SORCS1: variants seen among roughly 807,000 people sequenced by gnomAD.
The protein encoded by SORCS1 is VPS10 domain-containing receptor SorCS1.
A neutral mutation model predicts 146.1 loss-of-function variants in SORCS1; 60 were observed. The observed-to-expected ratio is 0.41, with a 90% confidence interval of 0.33 to 0.51. SORCS1 has a LOEUF of 0.51. SORCS1 is among the 20% of genes least tolerant of loss of function. The pLI is 0.21. For synonymous variants in SORCS1, 637 were observed against 584.0 expected (o/e 1.09, Z -1.31); for missense variants, 1,352 against 1,487.6 (o/e 0.91, Z 1.50).
At chr10:106,635,754 A>C (rs1256849766) in intron 18 of SORCS1, among the ~76,000 whole-genome samples, 1 of 152,244 alleles carries the variant, frequency 6.6e-6, no homozygotes, top group Non-Finnish European at 1.5e-5. Flanking sequence ...TGATGATGGA[A>C]TACAACCAAC....
chr10:106,885,051 A>G (rs762108822), intron 2 of SORCS1, among the ~76,000 whole-genome samples: 1 of 152,224 alleles, frequency 6.6e-6, no homozygotes, highest in Non-Finnish European at 1.5e-5. Context: ...ATCCCTTGTT[A>G]TACTGAAGAC....
At chr10:106,732,025 CT>C (rs1322301974) in intron 5 of SORCS1, among the ~76,000 whole-genome samples, 1 of 152,208 alleles carries the variant, frequency 6.6e-6, no homozygotes, top group African/African-American at 2.4e-5. Flanking sequence ...ACTCTACTTA[CT>C]TAAACTCATT....
At chr10:106,758,391 G>A (rs1441881663) in intron 5 of SORCS1, among the ~76,000 whole-genome samples, 1 of 152,100 alleles carries the variant, frequency 6.6e-6, no homozygotes, top group Non-Finnish European at 1.5e-5. Context: ...TCTATTGGTA[G>A]GAACCAACTT....
At chr10:106,844,818 G>A (rs1949246483) in intron 2 of SORCS1, among the ~76,000 whole-genome samples, 1 of 143,364 alleles carries the variant, frequency 7.0e-6, no homozygotes, top group African/African-American at 2.6e-5. Flanking sequence ...ACCTATGAGT[G>A]AGAATATGCG....
chr10:106,925,062 C>T (rs955964464), intron 2 of SORCS1, among the ~76,000 whole-genome samples: 1 of 151,952 alleles, frequency 6.6e-6, no homozygotes, highest in African/African-American at 2.4e-5. Context: ...TATATCATAT[C>T]TTATGTACTT....
chr10:107,018,157 G>T (rs1399389574), intron 1 of SORCS1, among the ~76,000 whole-genome samples: 2 of 151,690 alleles, frequency 1.3e-5, no homozygotes, highest in African/African-American at 4.8e-5. Flanking sequence ...CTTTGTCCAA[G>T]CACACTTCTC....
At chr10:106,776,194 A>G (rs1860420594) in intron 4 of SORCS1, among the ~76,000 whole-genome samples, 1 of 152,212 alleles carries the variant, frequency 6.6e-6, no homozygotes, top group Non-Finnish European at 1.5e-5. Flanking sequence ...GTCTTTCACC[A>G]AGAGAAATGA....
chr10:106,761,231 C>T (rs774766201), intron 5 of SORCS1, among the ~76,000 whole-genome samples: 12 of 151,956 alleles, frequency 7.9e-5, no homozygotes, highest in East Asian at 3.9e-4. Context: ...TCTGAATATG[C>T]GATATATGTG....
At chr10:106,761,273 A>T (rs1859089488) in intron 5 of SORCS1, among the ~76,000 whole-genome samples, 1 of 152,192 alleles carries the variant, frequency 6.6e-6, no homozygotes, top group Non-Finnish European at 1.5e-5. Context: ...AAAAGTCACT[A>T]TTAGATTTTT....
intron 2 of SORCS1, among the ~76,000 whole-genome samples, chr10:106,901,435 GGTTTT>G (rs1951695425): frequency 6.6e-6 from 1 of 152,048 alleles, no homozygotes. Context: ...GCAGTTTTTT[GGTTTT>G]GTTTTGTTTT....
intron 1 of SORCS1, among the ~76,000 whole-genome samples, chr10:107,082,371 C>T (rs988124857): frequency 1.3e-5 from 2 of 152,158 alleles, no homozygotes; most frequent in African/African-American, 4.8e-5. Flanking sequence ...GTTTATACTA[C>T]TTAATTATCA....
At chr10:106,862,079 T>C (rs1950034075) in intron 2 of SORCS1, among the ~76,000 whole-genome samples, 1 of 152,222 alleles carries the variant, frequency 6.6e-6, no homozygotes, top group South Asian at 2.1e-4. Context: ...TCATCTGTAA[T>C]TGGAGACAAC....
intron 8 of SORCS1, among the ~76,000 whole-genome samples, chr10:106,700,749 A>T (rs1015324982): frequency 1.3e-5 from 2 of 152,178 alleles, no homozygotes; most frequent in African/African-American, 4.8e-5. Flanking sequence ...ACCGTTTATC[A>T]CAGTAAACTC....
chr10:106,801,731 T>G (rs185653403), intron 3 of SORCS1, among the ~76,000 whole-genome samples: 5 of 152,062 alleles, frequency 3.3e-5, no homozygotes, highest in Admixed American at 6.6e-5. Flanking sequence ...GTGGTTTCAC[T>G]GTGTTAGCCA....
chr10:107,137,978 C>T (rs1213464285), intron 1 of SORCS1, among the ~76,000 whole-genome samples: 2 of 152,022 alleles, frequency 1.3e-5, no homozygotes. Context: ...GGATCTCTGA[C>T]ACCTATTACG....
chr10:106,882,343 C>T (rs1950836913), intron 2 of SORCS1, among the ~76,000 whole-genome samples: 1 of 151,942 alleles, frequency 6.6e-6, no homozygotes, highest in Admixed American at 6.6e-5. Context: ...TGTTGGGATG[C>T]ATTCAAAGCC....
chr10:106,828,983 G>A (rs1198640133), intron 3 of SORCS1, among the ~76,000 whole-genome samples: 5 of 152,068 alleles, frequency 3.3e-5, no homozygotes, highest in Admixed American at 6.6e-5. Flanking sequence ...GTAAAATAAC[G>A]GTGTTGTAGA....
rs3044191 is a variant in SORCS1 at position 106,581,322 on chromosome 10, TACACACAC to T, written c.3266-1856_3266-1849del. Reference sequence around the variant, plus strand: ...AGACTTGAACCTGAATCGTCATACATACACACACACACACACACACACACACACACACA... The same window carrying T: ...AGACTTGAACCTGAATCGTCATACATACACACACACACACACACACACACA... On this transcript the variant is annotated intron_variant, in intron 24 of 25. Coordinates refer to ENST00000263054, the MANE Select transcript of SORCS1 (RefSeq NM_052918.5). Among the ~76,000 whole-genome samples the T allele has an allele frequency of 5.3e-3, 750 of 142,390 alleles. 7 individuals carry two copies. The highest frequency in any genetic ancestry group is 0.018 in the Middle Eastern group (5 of 280). The allele number at this position is 142,390 out of a possible 152,430, so 93.4% of individuals were successfully genotyped here.
chr10:106,959,365 C>T (rs1444728290), intron 1 of SORCS1, among the ~76,000 whole-genome samples: 1 of 152,184 alleles, frequency 6.6e-6, no homozygotes, highest in African/African-American at 2.4e-5. Context: ...CAACTGCTAA[C>T]CTTTAGTTTT....
Sources: gnomAD v4.1 joint callset for allele counts (sites outside exome capture counted in the v4.1 genomes callset) on GRCh38, gnomAD v4.1.1 for gene constraint, MANE v1.5 for transcripts, NCBI Gene and HGNC (gene_info 2026-07-23, HGNC 2026-07-21) for gene names.